Variants in TARBP1 observed in about 807,000 individuals in gnomAD.
TARBP1 encodes tRNA guanosine 2 -O-methyltransferase TARBP1, also known as tRNA (guanosine(18)-2'-O)-methyltransferase TARBP1.
In TARBP1, 144 loss-of-function variants were observed where a neutral mutation model predicts 178.6. That is an observed-to-expected ratio of 0.81 (90% CI 0.70 to 0.93). TARBP1 has a LOEUF of 0.93. Ranked by LOEUF, TARBP1 falls within the 40% of genes least tolerant of loss-of-function variation. TARBP1 has a pLI of 0.00. For synonymous variants in TARBP1, 787 were observed against 781.0 expected, an observed-to-expected ratio of 1.01 and a Z score of -0.13; for missense variants, 2,067 against 2,011.7, an observed-to-expected ratio of 1.03 and a Z score of -0.53.
At position 234,393,668 on chromosome 1, in the gene TARBP1, G is replaced by T. The variant is rs752798421; in HGVS notation, c.4413C>A (p.Ile1471=). 6.2e-7 allele frequency: 1 copy of T among 1,611,980 alleles called. No individual in the cohort carries two copies. The highest frequency in any genetic ancestry group is 8.5e-7 in the Non-Finnish European group (1 of 1,178,580). The part of the protein sequence containing the change: ...ISRLIVVASL[I]DKPTNLGGLC... ...TACCTCCTAAATTGGTCGGTTTGTCGATGAGCGAGGCCACAACGATGAGTC... is the reference window on the plus strand; with the variant it reads ...TACCTCCTAAATTGGTCGGTTTGTCTATGAGCGAGGCCACAACGATGAGTC... The change falls in exon 27 of 30, where the codon ATC becomes ATA. Residue 1471 remains isoleucine, a synonymous_variant. Transcript: ENST00000040877.
In TARBP1 at chr1:234,479,006, A is replaced by G. The variant is rs1429143401; in HGVS notation, c.98T>C (p.Val33Ala). 7 of 1,512,300 alleles carry G rather than the reference A, an allele frequency of 4.6e-6. No individual in the cohort carries two copies. Among genetic ancestry groups the G allele is most frequent in the Non-Finnish European group, 6.1e-6 (7 of 1,141,988 alleles). The allele number at this position is 1,512,300 out of a possible 1,614,324, so 93.7% of individuals were successfully genotyped here. The change falls in exon 1 of 30, where the codon GTG (valine) becomes GCG (alanine). Residue 33 changes from valine to alanine, a missense_variant. Coordinates refer to ENST00000040877, the MANE Select transcript of TARBP1 (RefSeq NM_005646.4). ...CTGCAGAAGGAAGCGCAGCGTCTCCACGCGCTCCGCGGATGCCTCCCCTTG... is the reference window on the plus strand; with the variant it reads ...CTGCAGAAGGAAGCGCAGCGTCTCCGCGCGCTCCGCGGATGCCTCCCCTTG... Reference protein sequence around the residue: ...LCQGEASAERVETLRFLLQRL... With the variant: ...LCQGEASAERAETLRFLLQRL...
chr1:234,448,951 G>C (rs1438612822), intron 10 of TARBP1, among the ~76,000 whole-genome samples: 1 of 152,084 alleles, frequency 6.6e-6, no homozygotes, highest in Admixed American at 6.5e-5. Flanking sequence ...TCTACACTAG[G>C]AAGACATGCC....
chr1:234,448,448 T>A, intron 11 of TARBP1, 32 bp downstream of exon 11: 3 of 1,579,934 alleles, frequency 1.9e-6, no homozygotes, highest in Non-Finnish European at 2.6e-6. Flanking sequence ...ATTTTTCAAA[T>A]AGGCTTTCTT....
intron 13 of TARBP1, among the ~76,000 whole-genome samples, chr1:234,436,718 C>T (rs1665061441): frequency 6.6e-6 from 1 of 152,006 alleles, no homozygotes; most frequent in Admixed American, 6.6e-5. Context: ...AACAAACAAA[C>T]AAAAAATTAA....
chr1:234,425,922 C>T, intron 19 of TARBP1, 129 bp from the exon 20 acceptor site: 1 of 661,152 alleles, frequency 1.5e-6, no homozygotes, highest in Non-Finnish European at 2.5e-6. Flanking sequence ...TAGGTCCATA[C>T]TTAATGACAA....
rs139462914 is a variant in TARBP1 at position 234,428,462 on chromosome 1, C to T, written c.3060+674G>A. Among the ~76,000 whole-genome samples the T allele has an allele frequency of 9.9e-5, 15 of 152,180 alleles. No homozygotes were observed. In the East Asian group the frequency reaches 2.3e-3, roughly 23 times the overall value. On this transcript the variant is annotated intron_variant, in intron 17 of 29. Transcript: ENST00000040877. ...GCATGCCAACTCCTACTCAACCGAG[C>T]GATCAATTACATTGTCATGGAAGAA...
intron 6 of TARBP1, among the ~76,000 whole-genome samples, chr1:234,460,787 T>A (rs2103261984): frequency 6.6e-6 from 1 of 152,236 alleles, no homozygotes; most frequent in South Asian, 2.1e-4. Context: ...GTGAAAACAA[T>A]CCAAATGCCT....
rs531256921 is a variant in TARBP1, at chr1:234,465,710, TAAAAAAA to T, written c.1249-9_1249-3del. ...ATCCATTAATGGTCCAATAATAAACTAAAAAAAAAAAAAAAAAAAGACACGTAATTGA... is the reference window on the plus strand; with the variant it reads ...ATCCATTAATGGTCCAATAATAAACTAAAAAAAAAAAAGACACGTAATTGA... On this transcript the variant is annotated splice_polypyrimidine_tract_variant and splice_region_variant and intron_variant, in intron 4 of 29. Coordinates refer to ENST00000040877, the MANE Select transcript of TARBP1 (RefSeq NM_005646.4). 2.4e-6 allele frequency: 3 copies of T among 1,270,730 alleles called. No individual in the cohort carries two copies. The highest frequency in any genetic ancestry group is 7.5e-5 in the Admixed American group (2 of 26,758). The allele number at this position is 1,270,730 out of a possible 1,614,324, so 78.7% of individuals were successfully genotyped here.
At chr1:234,477,234 AAATG>A (rs1669647925) in intron 1 of TARBP1, among the ~76,000 whole-genome samples, 1 of 152,224 alleles carries the variant, frequency 6.6e-6, no homozygotes, top group Non-Finnish European at 1.5e-5. Flanking sequence ...TCATGTAAAT[AAATG>A]AATGTTTTAA....
At chr1:234,427,508 A>C (rs1663911206) in intron 18 of TARBP1, 68 bp downstream of exon 18, 1 of 1,480,264 alleles carries the variant, frequency 6.8e-7, no homozygotes, top group Non-Finnish European at 9.1e-7. Flanking sequence ...CAAAACAAAG[A>C]CATAATTCTA....
chr1:234,477,886 T>C (rs969492719), intron 1 of TARBP1, among the ~76,000 whole-genome samples: 4 of 152,214 alleles, frequency 2.6e-5, no homozygotes, highest in Admixed American at 1.3e-4. Context: ...GATTTGGGTC[T>C]GTAAAATCTT....
intron 9 of TARBP1, among the ~76,000 whole-genome samples, chr1:234,452,727 T>G (rs527269630): frequency 2.6e-5 from 4 of 152,206 alleles, no homozygotes; most frequent in African/African-American, 7.2e-5. Context: ...CCCAAATGAG[T>G]TGAAAAGTTA....
In TARBP1 at chr1:234,460,404, A is replaced by C. The variant is rs771670851; in HGVS notation, c.1400-8T>G. ...ACTTCAATAGGAAGCTACCTGAAAGAAAAAGTTTTAAATTATCATTGTTGC... is the reference window on the plus strand; with the variant it reads ...ACTTCAATAGGAAGCTACCTGAAAGCAAAAGTTTTAAATTATCATTGTTGC... On this transcript the variant is annotated splice_region_variant and splice_polypyrimidine_tract_variant and intron_variant, in intron 6 of 29. Coordinates refer to ENST00000040877, the MANE Select transcript of TARBP1 (RefSeq NM_005646.4). 15 of 1,613,346 alleles carry C rather than the reference A, an allele frequency of 9.3e-6. No individual in the cohort carries two copies. In the South Asian group the frequency reaches 1.6e-4, roughly 18 times the overall value.
At chr1:234,474,436 G>C (rs1669398458) in intron 1 of TARBP1, among the ~76,000 whole-genome samples, 1 of 152,094 alleles carries the variant, frequency 6.6e-6, no homozygotes. Flanking sequence ...GAATATTCTA[G>C]AAAATTTCCC....
Position 234,472,718 on chromosome 1 carries a change from T to G in TARBP1, c.1025A>C (p.Asn342Thr). 1 of 1,577,634 alleles carries G rather than the reference T, an allele frequency of 6.3e-7. No homozygotes were observed. Among genetic ancestry groups the G allele is most frequent in the Non-Finnish European group, 8.6e-7 (1 of 1,165,386 alleles). ...CTAAAATAGAAAAACACTTACCTGA[T>G]TTCCTTCTAAAGTCTCCATAATTAA... is the stretch of plus-strand genomic sequence containing the variant. ...YILIMETLEG[N>T]QIHVIKPVLP... The change falls in exon 2 of 30, where the codon AAT becomes ACT. Residue 342 changes from asparagine to threonine, a missense_variant. Coordinates refer to ENST00000040877, the MANE Select transcript of TARBP1 (RefSeq NM_005646.4).
intron 2 of TARBP1, among the ~76,000 whole-genome samples, chr1:234,472,329 CAAAAAAAAAAAAA>C (rs1160411119): frequency 9.1e-4 from 42 of 46,080 alleles, no homozygotes; most frequent in African/African-American, 2.6e-3. Context: ...ACTCTGTCTC[CAAAAAAAAAAAAA>C]AAAAAAAAAA....
rs923304286 is a variant in TARBP1, at chr1:234,401,204, G to C, written c.4048C>G (p.Pro1350Ala). ...QEHFFFATFH[P>A]LKDYCLETIF... ...ACCTCTAGACAATAATCCTTGAGTG[G>C]GTGAAATGTTGCAAAAAAGAAATGC... is the stretch of plus-strand genomic sequence containing the variant. The change falls in exon 25 of 30, where the codon CCA becomes GCA. Residue 1350 changes from proline (P) to alanine (A), a missense_variant. Pro to Ala is a conservative substitution (Grantham distance 27). Transcript: ENST00000040877. 3.1e-6 allele frequency: 5 copies of C among 1,613,214 alleles called. No homozygotes were observed. Among genetic ancestry groups the C allele is most frequent in the Non-Finnish European group, 4.2e-6 (5 of 1,179,622 alleles).
rs1441958882 is a variant in TARBP1 at position 234,468,399 on chromosome 1, C to T, written c.1100-749G>A. On this transcript the variant is annotated intron_variant, in intron 3 of 29. Coordinates refer to ENST00000040877, the MANE Select transcript of TARBP1 (RefSeq NM_005646.4). ...CGCTTGAACCCTTGAACTTGGGAGG[C>T]GGAGGTTAGAGTGAGCCCAGGCCCC... Among the ~76,000 whole-genome samples the T allele has an allele frequency of 2.0e-5, 3 of 151,944 alleles. No homozygotes were observed. The South Asian group carries it at 6.2e-4, about 32-fold the overall frequency.
At chr1:234,422,567 T>C (rs1274322659) in intron 20 of TARBP1, among the ~76,000 whole-genome samples, 1 of 151,674 alleles carries the variant, frequency 6.6e-6, no homozygotes, top group Admixed American at 6.6e-5. Flanking sequence ...GAAAATAGAA[T>C]GATGGTTGCC....
Sources: gnomAD v4.1 joint callset for allele counts (sites outside exome capture counted in the v4.1 genomes callset) on GRCh38, gnomAD v4.1.1 for gene constraint, MANE v1.5 for transcripts, NCBI Gene and HGNC (gene_info 2026-07-23, HGNC 2026-07-21) for gene names.